TRPM7: variants seen among roughly 807,000 people sequenced by gnomAD.
TRPM7 encodes transient receptor potential cation channel subfamily M member 7.
A neutral mutation model predicts 229.7 loss-of-function variants in TRPM7; 134 were observed. The observed-to-expected ratio is 0.58, with a 90% CI of 0.51 to 0.67. The LOEUF is 0.67. TRPM7 is among the 30% of genes least tolerant of loss of function. The pLI, the probability that TRPM7 is intolerant of heterozygous loss-of-function variation, is 0.00. For synonymous variants in TRPM7, 699 were observed against 715.2 expected (o/e 0.98, Z 0.36); for missense variants, 1,901 against 2,210.0 (o/e 0.86, Z 2.80).
In TRPM7 at chr15:50,639,701, G is replaced by T. The variant is rs538187874; in HGVS notation, c.536-153C>A. Among the ~76,000 whole-genome samples the T allele has an allele frequency of 3.6e-4, 54 of 152,012 alleles. 1 individual carries two copies. The highest frequency in any genetic ancestry group is 1.1e-3 in the Admixed American group (16 of 15,232). Reference sequence around the variant, plus strand: ...CCCTTGTGAGCCTCCCCAGTAGGTGGGACTACAGGTGCGTGCTAAGACAGC... The same window carrying T: ...CCCTTGTGAGCCTCCCCAGTAGGTGTGACTACAGGTGCGTGCTAAGACAGC... On this transcript the variant is annotated intron_variant, in intron 5 of 38. Coordinates refer to ENST00000646667, the MANE Select transcript of TRPM7 (RefSeq NM_017672.6).
At position 50,628,151 on chromosome 15, in the gene TRPM7, G is replaced by T; in HGVS notation, c.1303C>A (p.Leu435Met). Residue 435 changes from leucine (L) to methionine (M), a missense_variant and splice_region_variant, in exon 11 of 39, where the codon CTG (leucine) becomes ATG (methionine). Coordinates refer to ENST00000646667, the MANE Select transcript of TRPM7 (RefSeq NM_017672.6). ...GTGTATGTAGATTATTTACATACCA[G>T]CCACTGCTGTCCATAAACAAATACA... ...NHVFVYGQQWLVGSLEQAMLD... is the reference protein window; with the variant it reads ...NHVFVYGQQWMVGSLEQAMLD... The T allele has an allele frequency of 6.2e-7, 1 of 1,600,122 alleles. No individual in the cohort carries two copies. The highest frequency in any genetic ancestry group is 8.6e-7 in the Non-Finnish European group (1 of 1,168,902).
intron 1 of TRPM7, among the ~76,000 whole-genome samples, chr15:50,677,758 A>C (rs1395918424): frequency 6.7e-6 from 1 of 150,090 alleles, no homozygotes; most frequent in Non-Finnish European, 1.5e-5. Context: ...AAAAAAAAAA[A>C]AACAAAAGGT....
intron 16 of TRPM7, among the ~76,000 whole-genome samples, 180 bp downstream of exon 16, chr15:50,612,369 T>C (rs1443769217): frequency 2.0e-5 from 3 of 152,274 alleles, no homozygotes; most frequent in Admixed American, 6.5e-5. Flanking sequence ...CTCTTTTTCA[T>C]AGAGGCAGAA....
intron 3 of TRPM7, among the ~76,000 whole-genome samples, chr15:50,652,385 C>T (rs1418865859): frequency 4.8e-5 from 6 of 125,302 alleles, no homozygotes; most frequent in African/African-American, 1.5e-4. Context: ...AGAGAAAAAT[C>T]GTGGGGGAAA....
Position 50,574,723 on chromosome 15 carries a change from T to C in TRPM7, c.5020-4A>G, listed in dbSNP as rs773984954. ...CTGCTCTCTGTTGTTGAATTTCCTA[T>C]AAAAGGGAGGGTGGGGAGAACCCTT... On this transcript the variant is annotated splice_region_variant and splice_polypyrimidine_tract_variant and intron_variant, in intron 34 of 38. Transcript: ENST00000646667. The C allele has an allele frequency of 1.2e-6, 2 of 1,612,302 alleles. No homozygotes were observed. Among genetic ancestry groups the C allele is most frequent in the South Asian group, 1.1e-5 (1 of 90,444 alleles).
intron 19 of TRPM7, among the ~76,000 whole-genome samples, chr15:50,609,005 G>A (rs534715489): frequency 2.0e-5 from 3 of 152,160 alleles, no homozygotes; most frequent in Admixed American, 2.0e-4. Flanking sequence ...TAACAGGTGA[G>A]TCCATCCTTG....
intron 13 of TRPM7, among the ~76,000 whole-genome samples, chr15:50,615,126 G>A (rs904650592): frequency 1.5e-5 from 2 of 136,776 alleles, no homozygotes; most frequent in Admixed American, 8.1e-5. Context: ...TAGTGCCACC[G>A]CATTCCAGCC....
At chr15:50,584,955 A>G (rs2054614620) in intron 28 of TRPM7, among the ~76,000 whole-genome samples, 1 of 151,834 alleles carries the variant, frequency 6.6e-6, no homozygotes, top group South Asian at 2.1e-4. Flanking sequence ...GGCTCACTGC[A>G]ACCTCCATCT....
chr15:50,613,187 ATTTGG>A (rs1822499583), intron 15 of TRPM7, among the ~76,000 whole-genome samples: 2 of 152,330 alleles, frequency 1.3e-5, no homozygotes, highest in Admixed American at 6.5e-5. Flanking sequence ...AAACATTTTA[ATTTGG>A]TTATTATCAT....
chr15:50,598,300 G>A (rs2059685413), intron 22 of TRPM7, among the ~76,000 whole-genome samples: 1 of 152,186 alleles, frequency 6.6e-6, no homozygotes, highest in African/African-American at 2.4e-5. Context: ...AGGTTATCTA[G>A]TCTCACTGAC....
At chr15:50,620,586 T>C (rs2140542730) in intron 12 of TRPM7, among the ~76,000 whole-genome samples, 1 of 152,322 alleles carries the variant, frequency 6.6e-6, no homozygotes, top group African/African-American at 2.4e-5. Context: ...CTACAATTGA[T>C]ATTGCATATG....
intron 1 of TRPM7, among the ~76,000 whole-genome samples, chr15:50,674,650 C>CT (rs557263632): frequency 7.3e-4 from 111 of 152,178 alleles, no homozygotes; most frequent in African/African-American, 2.6e-3. Context: ...TTTTCATATT[C>CT]TTTTTGTTAC....
In TRPM7 at chr15:50,558,404, G is replaced by C. The variant is rs2053200062; in HGVS notation, c.*3274C>G. 1 of 152,060 alleles carries C rather than the reference G, an allele frequency of 6.6e-6. No individual in the cohort carries two copies. Among genetic ancestry groups the C allele is most frequent in the African/African-American group, 2.4e-5 (1 of 41,400 alleles). The allele number at this position is 152,060 out of a possible 1,614,324, so 9.4% of individuals were successfully genotyped here. ...ACAAAATATATATTTAAAATTAGTT[G>C]GGTGTTACCCAGGCATGGTGGCTCA... On this transcript the variant is annotated 3_prime_UTR_variant, in exon 39 of 39. Coordinates refer to ENST00000646667, the MANE Select transcript of TRPM7 (RefSeq NM_017672.6).
At chr15:50,566,854 T>A (rs979258099) in intron 38 of TRPM7, among the ~76,000 whole-genome samples, 7 of 151,740 alleles carry the variant, frequency 4.6e-5, no homozygotes, top group African/African-American at 1.7e-4. Flanking sequence ...AGTAAAACAA[T>A]GACAACGAAA....
intron 38 of TRPM7, among the ~76,000 whole-genome samples, chr15:50,562,236 C>A (rs947973732): frequency 3.9e-5 from 6 of 152,156 alleles, no homozygotes; most frequent in African/African-American, 1.4e-4. Context: ...CCAAACATGT[C>A]AGACTTGTTT....
intron 30 of TRPM7, 91 bp from the exon 31 acceptor site, chr15:50,578,755 T>C (rs956797274): frequency 8.3e-6 from 7 of 841,256 alleles, no homozygotes; most frequent in Non-Finnish European, 1.2e-5. Context: ...AATTATTATA[T>C]AAAAAATATT....
At chr15:50,663,185 A>G (rs2061778450) in intron 1 of TRPM7, 139 bp from the exon 2 acceptor site, 1 of 642,686 alleles carries the variant, frequency 1.6e-6, no homozygotes, top group Admixed American at 2.8e-5. Context: ...CTGGAGAGCA[A>G]TGGTGTGATC....
chr15:50,644,758 T>C (rs543797289), intron 4 of TRPM7, among the ~76,000 whole-genome samples: 8 of 142,908 alleles, frequency 5.6e-5, no homozygotes, highest in Middle Eastern at 3.7e-3. Flanking sequence ...GACTGTGCCA[T>C]TGCACTCCAG....
At chr15:50,653,627 G>C (rs757479282) in intron 3 of TRPM7, among the ~76,000 whole-genome samples, 11 of 152,182 alleles carry the variant, frequency 7.2e-5, no homozygotes, top group Non-Finnish European at 1.6e-4. Flanking sequence ...CTCAATCATA[G>C]AGATGACACC....
Sources: gnomAD v4.1 joint callset for allele counts (sites outside exome capture counted in the v4.1 genomes callset) on GRCh38, gnomAD v4.1.1 for gene constraint, MANE v1.5 for transcripts, NCBI Gene and HGNC (gene_info 2026-07-23, HGNC 2026-07-21) for gene names.